PLCL1: variants seen among roughly 807,000 people sequenced by gnomAD.
PLCL1 encodes phospholipase C like 1 (inactive), also known as inactive phospholipase C-like protein 1.
A neutral mutation model predicts 84.4 loss-of-function variants in PLCL1; 41 were observed. That is an observed-to-expected ratio of 0.49 (90% CI 0.38 to 0.63). The LOEUF (loss-of-function observed/expected upper bound fraction) is 0.63. Ranked by LOEUF, PLCL1 falls within the 30% of genes least tolerant of loss-of-function variation. The pLI is 0.00. For synonymous variants in PLCL1, 490 were observed against 488.3 expected, an observed-to-expected ratio of 1.00 and a Z score of -0.05; for missense variants, 1,206 against 1,367.8, an observed-to-expected ratio of 0.88 and a Z score of 1.87.
chr2:197,959,840 C>T (rs1387222845), intron 1 of PLCL1, among the ~76,000 whole-genome samples: 1 of 152,076 alleles, frequency 6.6e-6, no homozygotes, highest in Non-Finnish European at 1.5e-5. Flanking sequence ...TGCAACCTCC[C>T]AAATGCCTAC....
chr2:197,929,496 C>T (rs189785102), intron 1 of PLCL1, among the ~76,000 whole-genome samples: 1 of 152,258 alleles, frequency 6.6e-6, no homozygotes, highest in Admixed American at 6.6e-5. Context: ...GTGGCCTGGC[C>T]ATTTCTGTGA....
intron 1 of PLCL1, among the ~76,000 whole-genome samples, chr2:198,009,759 T>C (rs1690822774): frequency 6.6e-6 from 1 of 152,030 alleles, no homozygotes; most frequent in Non-Finnish European, 1.5e-5. Context: ...TATCTGTAGG[T>C]TGCTTTGGGT....
chr2:197,923,173 A>C (rs1413857915), intron 1 of PLCL1, among the ~76,000 whole-genome samples: 8 of 116,356 alleles, frequency 6.9e-5, no homozygotes, highest in African/African-American at 1.0e-4. Flanking sequence ...GGCGCCCCTC[A>C]CCTCCCGGAC....
chr2:198,148,605 G>GA lies in PLCL1; in HGVS notation c.*1649dup. The GA allele has an allele frequency of 6.6e-6, 1 of 152,224 alleles. No homozygotes were observed. Among genetic ancestry groups the GA allele is most frequent in the East Asian group, 1.9e-4 (1 of 5,314 alleles). The allele number at this position is 152,224 out of a possible 1,614,324, so 9.4% of individuals were successfully genotyped here. ...GTTTCCAATGATGCTACAATGGCCT[G>GA]AAAAAATTTCTTTACCCTCTGTTAT... On this transcript the variant is annotated 3_prime_UTR_variant, in exon 6 of 6. Coordinates refer to ENST00000428675, the MANE Select transcript of PLCL1 (RefSeq NM_006226.4).
chr2:197,977,649 T>C (rs924122760), intron 1 of PLCL1, among the ~76,000 whole-genome samples: 1 of 152,178 alleles, frequency 6.6e-6, no homozygotes, highest in Non-Finnish European at 1.5e-5. Flanking sequence ...CATTCCCCTG[T>C]CCCTTTCCTG....
chr2:198,117,156 A>G (rs1447173402), intron 5 of PLCL1, among the ~76,000 whole-genome samples: 1 of 151,856 alleles, frequency 6.6e-6, no homozygotes, highest in Non-Finnish European at 1.5e-5. Context: ...GATCAATTAC[A>G]AATAAATCTA....
chr2:197,901,203 C>A (rs1688259807), intron 1 of PLCL1, among the ~76,000 whole-genome samples: 1 of 152,154 alleles, frequency 6.6e-6, no homozygotes, highest in Non-Finnish European at 1.5e-5. Context: ...TATGAGGAGA[C>A]TTTTAATCTA....
intron 3 of PLCL1, among the ~76,000 whole-genome samples, chr2:198,093,396 T>A (rs1041196380): frequency 3.9e-5 from 6 of 151,910 alleles, no homozygotes; most frequent in African/African-American, 1.5e-4. Context: ...GGGGGTAGAG[T>A]TAGAGGGTGA....
At chr2:197,845,251 T>C (rs1225117721) in intron 1 of PLCL1, among the ~76,000 whole-genome samples, 2 of 152,028 alleles carry the variant, frequency 1.3e-5, no homozygotes, top group Non-Finnish European at 2.9e-5. Flanking sequence ...ATTCTACAAG[T>C]TTGACAATTA....
intron 5 of PLCL1, among the ~76,000 whole-genome samples, chr2:198,129,048 G>T (rs1262843439): frequency 6.6e-6 from 1 of 152,104 alleles, no homozygotes; most frequent in Non-Finnish European, 1.5e-5. Context: ...ATTCCAACCT[G>T]ACTCCAGTAT....
chr2:198,060,748 A>G (rs1222241407), intron 1 of PLCL1, among the ~76,000 whole-genome samples: 2 of 152,156 alleles, frequency 1.3e-5, no homozygotes, highest in Non-Finnish European at 2.9e-5. Context: ...TTCTACCTTT[A>G]TATCACTGTT....
intron 1 of PLCL1, among the ~76,000 whole-genome samples, chr2:197,855,884 G>T (rs1480529183): frequency 6.6e-6 from 1 of 152,108 alleles, no homozygotes; most frequent in Non-Finnish European, 1.5e-5. Flanking sequence ...GTTAACCTCT[G>T]CTTCTCAGTC....
intron 1 of PLCL1, among the ~76,000 whole-genome samples, chr2:197,929,758 T>G (rs1220438149): frequency 6.6e-6 from 1 of 152,198 alleles, no homozygotes; most frequent in East Asian, 1.9e-4. Flanking sequence ...GTAAAGTAAG[T>G]GACACAGAGA....
chr2:197,849,274 A>G (rs1687179284), intron 1 of PLCL1, among the ~76,000 whole-genome samples: 1 of 152,130 alleles, frequency 6.6e-6, no homozygotes, highest in South Asian at 2.1e-4. Context: ...AATATTAGTG[A>G]GGCGGCTCAT....
intron 1 of PLCL1, among the ~76,000 whole-genome samples, chr2:198,036,650 C>A (rs184244213): frequency 1.3e-5 from 2 of 151,912 alleles, no homozygotes. Context: ...CATTCATAGC[C>A]CTTAGTGGTT....
At chr2:197,963,004 A>G (rs1354505984) in intron 1 of PLCL1, among the ~76,000 whole-genome samples, 1 of 152,050 alleles carries the variant, frequency 6.6e-6, no homozygotes, top group East Asian at 1.9e-4. Context: ...GTTTCCAAAT[A>G]TAGGCTATTG....
chr2:197,990,438 A>G (rs1374619554), intron 1 of PLCL1, among the ~76,000 whole-genome samples: 1 of 152,226 alleles, frequency 6.6e-6, no homozygotes, highest in Admixed American at 6.5e-5. Context: ...GAGGGTATGT[A>G]TTAGTCCATT....
At chr2:197,853,263 G>A (rs1031889019) in intron 1 of PLCL1, among the ~76,000 whole-genome samples, 4 of 152,010 alleles carry the variant, frequency 2.6e-5, no homozygotes, top group Admixed American at 6.6e-5. Flanking sequence ...TTATCCATTC[G>A]TCTAATGATG....
chr2:197,952,798 A>G (rs578016277), intron 1 of PLCL1, among the ~76,000 whole-genome samples: 1 of 152,130 alleles, frequency 6.6e-6, no homozygotes, highest in East Asian at 1.9e-4. Flanking sequence ...TGGTTTTGTA[A>G]GGGGTTTCCC....
Sources: allele counts gnomAD v4.1 joint callset (sites outside exome capture counted in the v4.1 genomes callset), GRCh38; gene constraint gnomAD v4.1.1; transcripts MANE v1.5; gene names NCBI Gene and HGNC (gene_info 2026-07-23, HGNC 2026-07-21).